Variants in GPC5 observed in about 807,000 individuals in gnomAD.
GPC5 encodes glypican-5.
A neutral mutation model predicts 53.9 loss-of-function variants in GPC5; 47 were observed. That is an observed-to-expected ratio of 0.87 (90% CI 0.69 to 1.11). The LOEUF is 1.11. Among genes scored for constraint, GPC5 ranks in the 50% most tolerant of loss-of-function variants. The pLI is 0.00. For missense variants in GPC5, 748 were observed against 713.1 expected (o/e 1.05, Z -0.56); for synonymous variants, 286 against 263.3 (o/e 1.09, Z -0.84).
chr13:91,507,101 C>T (rs1953049466), intron 2 of GPC5, among the ~76,000 whole-genome samples: 1 of 152,000 alleles, frequency 6.6e-6, no homozygotes, highest in South Asian at 2.1e-4. Flanking sequence ...ATACCATAGA[C>T]TGAGTGGCTT....
intron 6 of GPC5, among the ~76,000 whole-genome samples, chr13:91,970,238 G>T (rs1223638627): frequency 6.6e-6 from 1 of 152,176 alleles, no homozygotes; most frequent in South Asian, 2.1e-4. Flanking sequence ...TATAGAAATA[G>T]AAGTAGAGAG....
intron 2 of GPC5, among the ~76,000 whole-genome samples, chr13:91,478,801 A>ATATGTATG (rs368545648): frequency 1.9e-5 from 2 of 105,636 alleles, no homozygotes; most frequent in South Asian, 5.8e-4. Context: ...GAGTTTATAT[A>ATATGTATG]TATATATATA....
At chr13:92,130,132 C>A (rs1482749517) in intron 6 of GPC5, among the ~76,000 whole-genome samples, 1 of 151,960 alleles carries the variant, frequency 6.6e-6, no homozygotes, top group Non-Finnish European at 1.5e-5. Context: ...TTTTAACATG[C>A]TGAGGGGCAA....
intron 6 of GPC5, among the ~76,000 whole-genome samples, chr13:92,125,043 C>A (rs549677226): frequency 1.3e-5 from 2 of 152,302 alleles, no homozygotes; most frequent in African/African-American, 2.4e-5. Flanking sequence ...CCACCCCCAA[C>A]TCTTGCTGGC....
At chr13:92,422,847 G>A (rs1043024531) in intron 7 of GPC5, among the ~76,000 whole-genome samples, 1 of 152,186 alleles carries the variant, frequency 6.6e-6, no homozygotes, top group African/African-American at 2.4e-5. Context: ...GCAACAATAT[G>A]AGTCACACCA....
rs367911551 is a variant in GPC5, at chr13:91,973,979, C to T, written c.1401+65922C>T. 2.5e-4 allele frequency among the ~76,000 whole-genome samples: 38 copies of T among 152,258 alleles called. No individual in the cohort carries two copies. The East Asian group carries it at 2.7e-3, about 11-fold the overall frequency. The stretch of plus-strand genomic sequence containing the variant: ...ATGCCCGTTCTCAGATCTCCAGCTG[C>T]GTGCTGGGAGAACCACTACTCTCTT... On this transcript the variant is annotated intron_variant, in intron 6 of 7. Coordinates refer to ENST00000377067, the MANE Select transcript of GPC5 (RefSeq NM_004466.6).
At chr13:92,475,042 A>T (rs964000903) in intron 7 of GPC5, among the ~76,000 whole-genome samples, 5 of 152,116 alleles carry the variant, frequency 3.3e-5, no homozygotes, top group Non-Finnish European at 7.4e-5. Flanking sequence ...TTTAACTAGT[A>T]AATTATAACC....
At chr13:92,742,448 T>C (rs185627315) in intron 7 of GPC5, among the ~76,000 whole-genome samples, 1 of 152,170 alleles carries the variant, frequency 6.6e-6, no homozygotes, top group East Asian at 1.9e-4. Flanking sequence ...TTTTTTCTTG[T>C]AAATTTGAGT....
intron 7 of GPC5, among the ~76,000 whole-genome samples, chr13:92,286,347 A>G (rs2042954424): frequency 6.6e-6 from 1 of 152,284 alleles, no homozygotes; most frequent in Non-Finnish European, 1.5e-5. Flanking sequence ...AAGGATCTAG[A>G]ACTAGAAATA....
chr13:92,396,053 CTGT>C lies in GPC5; in HGVS notation c.1561+251069_1561+251071del, dbSNP rs571745780. 1.1e-4 allele frequency among the ~76,000 whole-genome samples: 13 copies of C among 121,808 alleles called. No individual in the cohort carries two copies. The South Asian group carries it at 3.6e-3, about 34-fold the overall frequency. The allele number at this position is 121,808 out of a possible 152,430, so 79.9% of individuals were successfully genotyped here. On this transcript the variant is annotated intron_variant, in intron 7 of 7. Transcript: ENST00000377067. ...CCATTCTGACTTCAAATATTTCATTCTGTTGTTTCTTTTTTGCTCGTGTTTGAA... is the reference window on the plus strand; with the variant it reads ...CCATTCTGACTTCAAATATTTCATTCTGTTTCTTTTTTGCTCGTGTTTGAA...
chr13:92,701,790 T>C (rs933593823), intron 7 of GPC5, among the ~76,000 whole-genome samples: 12 of 152,058 alleles, frequency 7.9e-5, no homozygotes, highest in Non-Finnish European at 1.0e-4. Context: ...CGTTGGCGAA[T>C]AGATGAAAAA....
At chr13:91,409,282 A>G (rs1251460555) in intron 1 of GPC5, among the ~76,000 whole-genome samples, 1 of 152,170 alleles carries the variant, frequency 6.6e-6, no homozygotes, top group African/African-American at 2.4e-5. Flanking sequence ...GTCATTTTTA[A>G]AAAAGGTATT....
chr13:92,111,583 CA>C (rs34294679), intron 6 of GPC5, among the ~76,000 whole-genome samples: 11 of 149,054 alleles, frequency 7.4e-5, no homozygotes, highest in East Asian at 2.0e-4. Flanking sequence ...CTCTGCCCCA[CA>C]AAAAAAAAAT....
At chr13:92,289,746 T>C (rs1037484158) in intron 7 of GPC5, among the ~76,000 whole-genome samples, 1 of 152,004 alleles carries the variant, frequency 6.6e-6, no homozygotes, top group South Asian at 2.1e-4. Context: ...TATGCTGATA[T>C]CAAAGTATCA....
chr13:92,793,872 T>C (rs1876558950), intron 7 of GPC5, among the ~76,000 whole-genome samples: 1 of 152,142 alleles, frequency 6.6e-6, no homozygotes, highest in Non-Finnish European at 1.5e-5. Context: ...TAACAGGCTC[T>C]GAAATTGAGG....
At chr13:92,812,202 G>T (rs1195261596) in intron 7 of GPC5, among the ~76,000 whole-genome samples, 2 of 151,876 alleles carry the variant, frequency 1.3e-5, no homozygotes, top group Admixed American at 6.6e-5. Context: ...AGTATTAAGT[G>T]TTCCTGTCAG....
At chr13:92,279,014 G>A (rs2042895198) in intron 7 of GPC5, among the ~76,000 whole-genome samples, 3 of 151,844 alleles carry the variant, frequency 2.0e-5, no homozygotes, top group Non-Finnish European at 4.4e-5. Flanking sequence ...AGGGCCCCTT[G>A]TGATTCCACA....
chr13:91,770,726 G>A (rs2037609289), intron 5 of GPC5, among the ~76,000 whole-genome samples: 1 of 151,766 alleles, frequency 6.6e-6, no homozygotes, highest in Non-Finnish European at 1.5e-5. Context: ...GTGTGTGTGT[G>A]TGTGTGTGTG....
intron 6 of GPC5, among the ~76,000 whole-genome samples, chr13:92,009,852 G>T (rs2040644087): frequency 6.6e-6 from 1 of 152,070 alleles, no homozygotes; most frequent in Admixed American, 6.6e-5. Flanking sequence ...ATAGTTCTGT[G>T]CTTCCTACTT....
Sources: allele counts gnomAD v4.1 joint callset (sites outside exome capture counted in the v4.1 genomes callset), GRCh38; gene constraint gnomAD v4.1.1; transcripts MANE v1.5; gene names NCBI Gene and HGNC (gene_info 2026-07-23, HGNC 2026-07-21).